The following SLC14A2 variants were observed in gnomAD, a reference collection of about 807,000 sequenced individuals.
SLC14A2 encodes solute carrier family 14 member 2.
In SLC14A2, 91 loss-of-function variants were observed where a neutral mutation model predicts 104.6. That is an observed-to-expected ratio of 0.87 (90% CI 0.73 to 1.04). The LOEUF is 1.04. SLC14A2 is among the 50% of genes least tolerant of loss of function. The probability of loss-of-function intolerance (pLI) is 0.00; values close to 1 mark genes in which losing one functional copy is unlikely to be tolerated. For synonymous variants in SLC14A2, 476 were observed against 466.4 expected (o/e 1.02, Z -0.27); for missense variants, 1,189 against 1,156.0 (o/e 1.03, Z -0.41).
rs748189590 is a variant in SLC14A2, at chr18:45,554,683, G to A, written c.-34-69948G>A. 4.6e-5 allele frequency among the ~76,000 whole-genome samples: 7 copies of A among 152,070 alleles called. 1 individual carries two copies. The South Asian group carries it at 8.3e-4, about 18-fold the overall frequency. Reference sequence around the variant, plus strand: ...GGTGTGGGGGGGAATAAGGAGGGCCGCCCTTCTGCCCAACATGGTGGGGAT... The same window carrying A: ...GGTGTGGGGGGGAATAAGGAGGGCCACCCTTCTGCCCAACATGGTGGGGAT... On this transcript the variant is annotated intron_variant, in intron 2 of 20. Transcript: ENST00000586448.
chr18:45,597,541 T>G (rs1016212930), intron 2 of SLC14A2, among the ~76,000 whole-genome samples: 1 of 151,922 alleles, frequency 6.6e-6, no homozygotes, highest in Non-Finnish European at 1.5e-5. Flanking sequence ...GGTTGGAAAG[T>G]TGGGGGATGA....
At chr18:45,265,298 G>A (rs1270717290) in intron 1 of SLC14A2, among the ~76,000 whole-genome samples, 4 of 152,198 alleles carry the variant, frequency 2.6e-5, no homozygotes, top group South Asian at 2.1e-4. Context: ...CAAGACCAAC[G>A]GGCAGAATTT....
intron 12 of SLC14A2, 32 bp from the exon 13 acceptor site, chr18:45,666,903 G>C: frequency 6.3e-7 from 1 of 1,599,540 alleles, no homozygotes; most frequent in East Asian, 2.2e-5. Flanking sequence ...CACCGAATGT[G>C]GGAGACTCTT....
chr18:45,195,604 C>A, the SLC14A2 span, among the ~76,000 whole-genome samples: 1 of 152,084 alleles, frequency 6.6e-6, no homozygotes, highest in Non-Finnish European at 1.5e-5. Context: ...GTTGGCCAGG[C>A]TGGTCTTGAA....
At chr18:45,478,749 C>A (rs532999645) in intron 1 of SLC14A2, among the ~76,000 whole-genome samples, 1 of 151,650 alleles carries the variant, frequency 6.6e-6, no homozygotes, top group African/African-American at 2.4e-5. Context: ...GATATGTGTA[C>A]AAGTTAATTT....
rs566018137 is a variant in SLC14A2 at position 45,228,324 on chromosome 18, T to A, written c.-125+15133T>A. Among the ~76,000 whole-genome samples, 10 of 152,268 alleles carry A rather than the reference T, an allele frequency of 6.6e-5. No homozygotes were observed. The East Asian group carries it at 1.9e-3, about 29-fold the overall frequency. On this transcript the variant is annotated intron_variant, in intron 1 of 20. Coordinates refer to the SLC14A2 transcript ENST00000586448. Reference sequence around the variant, plus strand: ...AGTCTTAATATAATGGTCAGAAACTTTTCTGGAAGGGGAGCTGTTACCACA... The same window carrying A: ...AGTCTTAATATAATGGTCAGAAACTATTCTGGAAGGGGAGCTGTTACCACA...
chr18:45,670,404 C>T (rs1239209709), intron 16 of SLC14A2, among the ~76,000 whole-genome samples: 2 of 152,154 alleles, frequency 1.3e-5, no homozygotes, highest in Non-Finnish European at 2.9e-5. Flanking sequence ...TAACAAGGCA[C>T]GTTTTCTCCA....
intron 1 of SLC14A2, among the ~76,000 whole-genome samples, chr18:45,388,253 G>A (rs964662026): frequency 2.0e-5 from 3 of 151,614 alleles, no homozygotes; most frequent in Non-Finnish European, 4.4e-5. Context: ...TAGTAGAGAT[G>A]GGGTCTCACC....
At chr18:45,502,043 AGT>A (rs1203383095) in intron 2 of SLC14A2, among the ~76,000 whole-genome samples, 1 of 152,180 alleles carries the variant, frequency 6.6e-6, no homozygotes, top group African/African-American at 2.4e-5. Context: ...AACTCAAATA[AGT>A]GGTCCCTAAA....
chr18:45,497,141 T>C (rs531187437), intron 2 of SLC14A2, among the ~76,000 whole-genome samples: 4 of 152,188 alleles, frequency 2.6e-5, no homozygotes, highest in African/African-American at 9.6e-5. Flanking sequence ...TATATGTGTA[T>C]ATATACACAC....
Position 45,406,612 on chromosome 18 carries a change from A to T in SLC14A2, c.-124-76621A>T, listed in dbSNP as rs537191222. ...AGAGGAATCACTATCTGTGGAAGCT[A>T]TAGCTTTACCAAACATATTTCTTAA... On this transcript the variant is annotated intron_variant, in intron 1 of 20. Coordinates refer to the SLC14A2 transcript ENST00000586448. 9.3e-4 allele frequency among the ~76,000 whole-genome samples: 141 copies of T among 152,294 alleles called. 1 individual carries two copies. Among genetic ancestry groups the T allele is most frequent in the African/African-American group, 3.3e-3 (136 of 41,560 alleles).
the SLC14A2 span, among the ~76,000 whole-genome samples, chr18:45,202,050 C>A: frequency 3.7e-4 from 56 of 152,182 alleles, no homozygotes; most frequent in African/African-American, 1.3e-3. Context: ...TTTCAAGAAA[C>A]AAAATTATTT....
chr18:45,300,167 C>T (rs1161846965), intron 1 of SLC14A2, among the ~76,000 whole-genome samples: 1 of 152,290 alleles, frequency 6.6e-6, no homozygotes, highest in African/African-American at 2.4e-5. Flanking sequence ...TGGCCTCACT[C>T]TGTTCTTCAT....
At chr18:45,285,269 T>G (rs2084801977) in intron 1 of SLC14A2, among the ~76,000 whole-genome samples, 1 of 152,198 alleles carries the variant, frequency 6.6e-6, no homozygotes, top group South Asian at 2.1e-4. Flanking sequence ...ATTTTACTTA[T>G]TTTTTGATAT....
chr18:45,453,184 C>G (rs142198889), intron 1 of SLC14A2, among the ~76,000 whole-genome samples: 1 of 152,278 alleles, frequency 6.6e-6, no homozygotes, highest in African/African-American at 2.4e-5. Context: ...GGAAGCCCAG[C>G]CCTCAAATTC....
At chr18:45,227,428 T>TGAAGG (rs2084130617) in intron 1 of SLC14A2, among the ~76,000 whole-genome samples, 1 of 152,244 alleles carries the variant, frequency 6.6e-6, no homozygotes, top group Admixed American at 6.5e-5. Flanking sequence ...CTCACAGTTC[T>TGAAGG]GAAGGCTGGG....
At chr18:45,661,192 C>T (rs2045931388) in intron 10 of SLC14A2, among the ~76,000 whole-genome samples, 1 of 152,186 alleles carries the variant, frequency 6.6e-6, no homozygotes, top group African/African-American at 2.4e-5. Flanking sequence ...ACCCACCCAT[C>T]CAAAGACCTT....
chr18:45,480,660 G>T (rs932533928), intron 1 of SLC14A2, among the ~76,000 whole-genome samples: 2 of 152,122 alleles, frequency 1.3e-5, no homozygotes, highest in African/African-American at 4.8e-5. Context: ...CCCCTTACAT[G>T]CCTGAAAACT....
Position 45,364,968 on chromosome 18 carries a change from T to A in SLC14A2, c.-124-118265T>A, listed in dbSNP as rs142413854. Among the ~76,000 whole-genome samples, 270 of 152,178 alleles carry A rather than the reference T, an allele frequency of 1.8e-3. 1 individual carries two copies. Among genetic ancestry groups the A allele is most frequent in the African/African-American group, 6.3e-3 (260 of 41,502 alleles). On this transcript the variant is annotated intron_variant, in intron 1 of 20. Coordinates refer to the SLC14A2 transcript ENST00000586448. ...AAAGAGTAACAGAACTGGAACAGAG[T>A]GAATCGCAGATTTTGGGGGGTCATA...
Sources: gnomAD v4.1 joint callset for allele counts (sites outside exome capture counted in the v4.1 genomes callset) on GRCh38, gnomAD v4.1.1 for gene constraint, MANE v1.5 for transcripts, NCBI Gene and HGNC (gene_info 2026-07-23, HGNC 2026-07-21) for gene names.